The following AGBL1 variants were observed in gnomAD, a reference collection of about 807,000 sequenced individuals.
The protein encoded by AGBL1 is AGBL carboxypeptidase 1.
Under a neutral mutation model 118.9 loss-of-function variants are expected in AGBL1, and 130 were observed. The observed-to-expected ratio is 1.09, with a 90% CI of 0.95 to 1.26. AGBL1 has a LOEUF of 1.26. Among genes scored for constraint, AGBL1 ranks in the 50% most tolerant of loss-of-function variants. AGBL1 has a pLI of 0.00. For synonymous variants in AGBL1, 555 were observed against 478.9 expected (o/e 1.16, Z -2.08); for missense variants, 1,584 against 1,298.1 (o/e 1.22, Z -3.38).
At chr15:86,567,937 G>A (rs1191984933) in intron 21 of AGBL1, among the ~76,000 whole-genome samples, 5 of 152,146 alleles carry the variant, frequency 3.3e-5, no homozygotes, top group East Asian at 3.9e-4. Context: ...CAGACCAGAT[G>A]TAAAAGGTGA....
chr15:86,395,747 C>T (rs760126788), intron 17 of AGBL1, among the ~76,000 whole-genome samples: 40 of 152,070 alleles, frequency 2.6e-4, no homozygotes, highest in Middle Eastern at 3.4e-3. Flanking sequence ...TAATGGCTGT[C>T]AGCAGAAATA....
chr15:86,504,055 A>G (rs531380082), intron 18 of AGBL1, among the ~76,000 whole-genome samples: 1 of 151,702 alleles, frequency 6.6e-6, no homozygotes, highest in East Asian at 1.9e-4. Flanking sequence ...TGAATTGTCT[A>G]TTTACTTCAT....
chr15:86,887,243 C>A (rs377200707), intron 22 of AGBL1, among the ~76,000 whole-genome samples: 16 of 152,266 alleles, frequency 1.1e-4, no homozygotes, highest in East Asian at 7.7e-4. Context: ...ATGCATATAT[C>A]TATTTATGTA....
At chr15:86,135,673 G>A (rs1268797509) in intron 1 of AGBL1, among the ~76,000 whole-genome samples, 1 of 152,178 alleles carries the variant, frequency 6.6e-6, no homozygotes, top group Non-Finnish European at 1.5e-5. Context: ...GAGGGCAAGA[G>A]GAATGAGTCA....
At chr15:86,406,889 T>C (rs904208476) in intron 18 of AGBL1, among the ~76,000 whole-genome samples, 8 of 152,218 alleles carry the variant, frequency 5.3e-5, no homozygotes, top group Non-Finnish European at 8.8e-5. Context: ...CATTATAAAC[T>C]GTAGAAAGAT....
chr15:86,475,485 T>C (rs1364341266), intron 18 of AGBL1, among the ~76,000 whole-genome samples: 1 of 151,950 alleles, frequency 6.6e-6, no homozygotes, highest in Non-Finnish European at 1.5e-5. Context: ...TGATTGAAGA[T>C]CAAATGAATG....
chr15:86,086,462 A>G (rs1161932939), intron 1 of AGBL1: 1 of 152,190 alleles, frequency 6.6e-6, no homozygotes, highest in African/African-American at 2.4e-5. Flanking sequence ...TAGGTCTGCA[A>G]ATCAGGTTCT....
intron 1 of AGBL1, chr15:86,116,616 C>T (rs1248750380): frequency 6.6e-6 from 1 of 152,402 alleles, no homozygotes; most frequent in Non-Finnish European, 1.5e-5. Context: ...GACACTTACT[C>T]TCTCTTCTTG....
At chr15:86,987,499 G>A (rs897306381) in intron 23 of AGBL1, among the ~76,000 whole-genome samples, 4 of 152,048 alleles carry the variant, frequency 2.6e-5, no homozygotes, top group Admixed American at 1.3e-4. Flanking sequence ...TTGACTTACC[G>A]TACAGGCCAA....
intron 24 of AGBL1, among the ~76,000 whole-genome samples, chr15:87,018,415 C>T (rs1349297613): frequency 6.6e-6 from 1 of 152,096 alleles, no homozygotes; most frequent in East Asian, 1.9e-4. Flanking sequence ...CAATGGACAT[C>T]TCAGAAGAAA....
chr15:86,976,774 T>G (rs932604905), intron 23 of AGBL1, among the ~76,000 whole-genome samples: 1 of 152,032 alleles, frequency 6.6e-6, no homozygotes, highest in African/African-American at 2.4e-5. Context: ...AGAGTGGAAT[T>G]TATACATAAA....
chr15:86,872,735 G>T (rs551459918), intron 22 of AGBL1, among the ~76,000 whole-genome samples: 2 of 152,142 alleles, frequency 1.3e-5, no homozygotes, highest in Admixed American at 6.5e-5. Flanking sequence ...CAGCCTGGGC[G>T]ACAGAGTGAG....
chr15:86,527,633 T>G (rs997432809), intron 19 of AGBL1, among the ~76,000 whole-genome samples: 6 of 152,204 alleles, frequency 3.9e-5, no homozygotes, highest in Non-Finnish European at 7.3e-5. Context: ...ACTGTGACTC[T>G]GCCCAAATTC....
At chr15:86,646,785 A>G (rs533863371) in intron 21 of AGBL1, among the ~76,000 whole-genome samples, 65 of 152,312 alleles carry the variant, frequency 4.3e-4, no homozygotes, top group Non-Finnish European at 8.4e-4. Context: ...CGTTGAGAAA[A>G]TGGAACGATT....
chr15:86,930,570 A>G (rs558555143), intron 23 of AGBL1, among the ~76,000 whole-genome samples: 1 of 152,324 alleles, frequency 6.6e-6, no homozygotes, highest in African/African-American at 2.4e-5. Flanking sequence ...GGTTGTAGAT[A>G]GCTCCCTTAA....
chr15:86,337,951 G>T (rs537698918), intron 17 of AGBL1, among the ~76,000 whole-genome samples: 116 of 152,330 alleles, frequency 7.6e-4, no homozygotes, highest in African/African-American at 2.8e-3. Flanking sequence ...TTTATCAAGT[G>T]TCTGGTATAT....
intron 17 of AGBL1, chr15:86,296,369 T>C (rs1288922930): frequency 2.0e-5 from 3 of 152,250 alleles, no homozygotes; most frequent in African/African-American, 7.2e-5. Flanking sequence ...GATACAGCCT[T>C]CCCTGGTGAA....
chr15:86,298,297 TG>T (rs2079688277), intron 17 of AGBL1, among the ~76,000 whole-genome samples: 1 of 101,674 alleles, frequency 9.8e-6, no homozygotes, highest in Non-Finnish European at 2.2e-5. Context: ...TATATATATA[TG>T]GTAGCTATAT....
intron 22 of AGBL1, among the ~76,000 whole-genome samples, chr15:86,762,928 G>C (rs58867624): frequency 0.027 from 4,167 of 152,024 alleles, 216 homozygotes; most frequent in African/African-American, 0.096. Flanking sequence ...TGCCTCGGGT[G>C]GGTAGAGACA....
Sources: allele counts gnomAD v4.1 joint callset (sites outside exome capture counted in the v4.1 genomes callset), GRCh38; gene constraint gnomAD v4.1.1; transcripts MANE v1.5; gene names NCBI Gene and HGNC (gene_info 2026-07-23, HGNC 2026-07-21).